DMD: variants seen among roughly 807,000 people sequenced by gnomAD.
The protein encoded by DMD is dystrophin, also known as mutant dystrophin.
A neutral mutation model predicts 330.1 loss-of-function variants in DMD; 63 were observed. The ratio of observed to expected loss-of-function variants is 0.19; its 90% CI spans 0.16 to 0.24. The LOEUF (loss-of-function observed/expected upper bound fraction) is 0.24. Among genes scored for constraint, DMD ranks in the 10% least tolerant of loss-of-function variants. The probability of loss-of-function intolerance (pLI) is 1.00; values close to 1 mark genes in which losing one functional copy is unlikely to be tolerated. For missense variants in DMD, 3,344 were observed against 2,684.1 expected (o/e 1.25, Z -5.43); for synonymous variants, 1,223 against 959.8 (o/e 1.27, Z -5.07).
intron 43 of DMD, among the ~76,000 whole-genome samples, chrX:32,263,699 A>G (rs937036889): frequency 9.0e-6 from 1 of 111,572 alleles, no homozygotes; most frequent in Non-Finnish European, 1.9e-5. Flanking sequence ...CTAGCTCTGG[A>G]CGACAAAAGA....
chrX:31,314,834 A>AC, intron 62 of DMD, among the ~76,000 whole-genome samples: 1 of 105,706 alleles, frequency 9.5e-6, no homozygotes, highest in South Asian at 4.3e-4. Context: ...CCCTCTCCCT[A>AC]CCCCCTACTC....
intron 59 of DMD, among the ~76,000 whole-genome samples, chrX:31,473,991 G>A (rs2067536085): frequency 8.9e-6 from 1 of 111,831 alleles, no homozygotes; most frequent in Non-Finnish European, 1.9e-5. Context: ...TAAAATATTT[G>A]ATAAGCAGTA....
At chrX:32,335,991 C>T (rs772819653) in intron 41 of DMD, among the ~76,000 whole-genome samples, 1 of 31,435 alleles carries the variant, frequency 3.2e-5, no homozygotes, top group East Asian at 1.5e-3. Context: ...TTATATATAA[C>T]GTGTATATAT....
chrX:31,243,223 T>C (rs924484343), intron 63 of DMD, among the ~76,000 whole-genome samples: 1 of 112,346 alleles, frequency 8.9e-6, no homozygotes, highest in African/African-American at 3.2e-5. Flanking sequence ...CTTCCTTTTC[T>C]GTTAATAACT....
intron 55 of DMD, among the ~76,000 whole-genome samples, chrX:31,565,041 T>C (rs2075393764): frequency 8.9e-6 from 1 of 112,273 alleles, no homozygotes; most frequent in South Asian, 3.7e-4. Flanking sequence ...TTCTGAATTG[T>C]TTTATTTGTT....
At chrX:32,675,818 T>TCA (rs2061930016) in intron 9 of DMD, among the ~76,000 whole-genome samples, 1 of 111,962 alleles carries the variant, frequency 8.9e-6, no homozygotes. Context: ...TTATAAACAT[T>TCA]GAATTAATGT....
intron 7 of DMD, among the ~76,000 whole-genome samples, chrX:32,718,427 TC>T (rs1043164379): frequency 6.3e-5 from 7 of 111,262 alleles, no homozygotes; most frequent in African/African-American, 2.3e-4. Context: ...TCCTGAGACC[TC>T]CCCAGCCATG....
rs143095277 is a variant in DMD, at chrX:31,272,239, C to T, written c.9225-11223G>A. ...ACATCTAAAAAGATGTGAATTTTAG[C>T]ATCTTCACTAAAATAAAGCCATACT... On this transcript the variant is annotated intron_variant, in intron 62 of 78. Coordinates refer to ENST00000357033, the MANE Select transcript of DMD (RefSeq NM_004006.3). Among the ~76,000 whole-genome samples the T allele has an allele frequency of 6.4e-3, 713 of 112,263 alleles. 4 individuals are homozygous for T. The highest frequency in any genetic ancestry group is 0.021 in the African/African-American group (665 of 30,931).
intron 7 of DMD, among the ~76,000 whole-genome samples, chrX:32,730,954 G>A (rs1483478950): frequency 8.9e-6 from 1 of 111,804 alleles, no homozygotes; most frequent in Non-Finnish European, 1.9e-5. Flanking sequence ...CTCCCAGAGT[G>A]AGCGACGCAG....
At chrX:31,350,109 CAT>C (rs984381451) in intron 60 of DMD, among the ~76,000 whole-genome samples, 2 of 111,202 alleles carry the variant, frequency 1.8e-5, no homozygotes, top group Non-Finnish European at 3.8e-5. Context: ...GCATGAGGGA[CAT>C]ATCAAACCTA....
At position 32,498,237 on chromosome X, in the gene DMD, T is replaced by C. The variant is rs559344211; in HGVS notation, c.2380+3518A>G. Among the ~76,000 whole-genome samples the C allele has an allele frequency of 2.2e-4, 24 of 111,417 alleles. No individual in the cohort carries two copies. In the South Asian group the frequency reaches 8.3e-3, roughly 38 times the overall value. On this transcript the variant is annotated intron_variant, in intron 19 of 78. Transcript: ENST00000357033. ...AATTACAGCTATCCAAAAATGTCTC[T>C]AGTAAAAAGAGGTACTTTGCACCAT...
chrX:32,844,800 C>T lies in DMD; in HGVS notation c.247G>A (p.Val83Ile), dbSNP rs1358774744. The T allele has an allele frequency of 6.6e-6, 8 of 1,209,258 alleles. No individual in the cohort carries two copies. In the African/African-American group the frequency reaches 8.7e-5, roughly 13 times the overall value. Residue 83 changes from valine (V) to isoleucine (I), a missense_variant, in exon 4 of 79, where the codon GTT becomes ATT. Transcript: ENST00000357033. ...ALNNVNKALR[V>I]LQNNNVDLVN... ...CTACTTACATTATTGTTCTGCAAAA[C>T]CCGCAGTGCCTTGTTGACATTGTTC...
At chrX:32,049,929 G>T (rs1220819486) in intron 44 of DMD, among the ~76,000 whole-genome samples, 1 of 111,123 alleles carries the variant, frequency 9.0e-6, no homozygotes, top group East Asian at 2.8e-4. Flanking sequence ...ATTATCAGTT[G>T]TATTGTATCT....
At chrX:31,604,055 T>C (rs2077494163) in intron 55 of DMD, among the ~76,000 whole-genome samples, 2 of 112,156 alleles carry the variant, frequency 1.8e-5, no homozygotes, top group Admixed American at 1.9e-4. Context: ...CAACAGCTTA[T>C]TTGAGGAGAG....
intron 1 of DMD, among the ~76,000 whole-genome samples, chrX:33,179,556 T>C (rs776326638): frequency 4.6e-5 from 5 of 108,153 alleles, no homozygotes; most frequent in Admixed American, 3.0e-4. Context: ...TAGCCGGGCG[T>C]GGTGGCGGGC....
intron 45 of DMD, among the ~76,000 whole-genome samples, chrX:31,953,458 A>T (rs771238278): frequency 8.9e-6 from 1 of 112,381 alleles, no homozygotes; most frequent in South Asian, 3.7e-4. Flanking sequence ...GGGGCAATAC[A>T]GGCAAATACA....
chrX:32,399,175 G>C (rs2098068054), intron 30 of DMD, among the ~76,000 whole-genome samples: 1 of 111,848 alleles, frequency 8.9e-6, no homozygotes, highest in Non-Finnish European at 1.9e-5. Flanking sequence ...ATTGGTCTAG[G>C]CAAGAAATTC....
intron 55 of DMD, among the ~76,000 whole-genome samples, chrX:31,577,296 G>A (rs765496782): frequency 6.2e-5 from 7 of 112,238 alleles, no homozygotes; most frequent in Non-Finnish European, 1.1e-4. Context: ...AGTATTACCC[G>A]CCTTTTGATG....
rs894436502 is a variant in DMD at position 31,241,303 on chromosome X, C to T, written c.9287-18182G>A. Among the ~76,000 whole-genome samples the T allele has an allele frequency of 1.8e-5, 2 of 111,130 alleles. 1 individual carries two copies. Among genetic ancestry groups the T allele is most frequent in the Admixed American group, 1.9e-4 (2 of 10,407 alleles). ...AAAGTACACGTAAATCCCTGCTTTGCAATGTGAGAAAATTACCTATTTTCT... is the reference window on the plus strand; with the variant it reads ...AAAGTACACGTAAATCCCTGCTTTGTAATGTGAGAAAATTACCTATTTTCT... On this transcript the variant is annotated intron_variant, in intron 63 of 78. Transcript: ENST00000357033.
Sources: gnomAD v4.1 joint callset for allele counts (sites outside exome capture counted in the v4.1 genomes callset) on GRCh38, gnomAD v4.1.1 for gene constraint, MANE v1.5 for transcripts, NCBI Gene and HGNC (gene_info 2026-07-23, HGNC 2026-07-21) for gene names.